Variants in CTNND2 observed in about 807,000 individuals in gnomAD.
CTNND2 encodes the protein catenin delta 2.
In CTNND2, 22 loss-of-function variants were observed where a neutral mutation model predicts 144.4. The observed-to-expected ratio is 0.15, with a 90% CI of 0.11 to 0.22. CTNND2 has a LOEUF of 0.22. CTNND2 is among the 10% of genes least tolerant of loss of function. The pLI is 1.00. For missense variants in CTNND2, 1,353 were observed against 1,618.8 expected, an observed-to-expected ratio of 0.84 and a Z score of 2.82; for synonymous variants, 751 against 695.6, an observed-to-expected ratio of 1.08 and a Z score of -1.25.
chr5:11,800,152 AC>A (rs1791601668), intron 1 of CTNND2, among the ~76,000 whole-genome samples: 1 of 152,190 alleles, frequency 6.6e-6, no homozygotes, highest in Admixed American at 6.5e-5. Flanking sequence ...AAAGTCTGAA[AC>A]ATAATAAGTG....
At chr5:11,476,698 A>G (rs931836478) in intron 3 of CTNND2, among the ~76,000 whole-genome samples, 2 of 152,208 alleles carry the variant, frequency 1.3e-5, no homozygotes, top group Admixed American at 1.3e-4. Context: ...CTAAATGTTC[A>G]TGATTATTAT....
chr5:11,783,827 G>A (rs1313563942), intron 1 of CTNND2, among the ~76,000 whole-genome samples: 1 of 152,190 alleles, frequency 6.6e-6, no homozygotes, highest in Non-Finnish European at 1.5e-5. Flanking sequence ...CCTTCCCAGA[G>A]CTATCAGGTG....
rs72730934 is a variant in CTNND2, at chr5:11,200,435, C to T, written c.1762-774G>A. On this transcript the variant is annotated intron_variant, in intron 10 of 21. Coordinates refer to ENST00000304623, the MANE Select transcript of CTNND2 (RefSeq NM_001332.4). ...AATTAGAAACAAAATAAAGTGGCTACTTAACACACAGGCTATATTAGCAAA... is the reference window on the plus strand; with the variant it reads ...AATTAGAAACAAAATAAAGTGGCTATTTAACACACAGGCTATATTAGCAAA... Among the ~76,000 whole-genome samples the T allele has an allele frequency of 2.2e-3, 330 of 152,288 alleles. 1 individual carries two copies. Among genetic ancestry groups the T allele is most frequent in the Non-Finnish European group, 4.0e-3 (271 of 68,016 alleles).
intron 1 of CTNND2, among the ~76,000 whole-genome samples, chr5:11,757,609 G>T (rs542382514): frequency 6.6e-6 from 1 of 152,020 alleles, no homozygotes; most frequent in South Asian, 2.1e-4. Flanking sequence ...ATGCCCTTTG[G>T]CAAACAGAGA....
chr5:11,881,090 G>A (rs116226119), intron 1 of CTNND2, among the ~76,000 whole-genome samples: 3,460 of 149,720 alleles, frequency 0.023, 138 homozygotes, highest in African/African-American at 0.078. Flanking sequence ...ATTATTAAAG[G>A]GAATGAATTG....
chr5:11,236,658 CA>C (rs1179978020), intron 10 of CTNND2, 32 bp downstream of exon 10: 17 of 1,610,612 alleles, frequency 1.1e-5, no homozygotes, highest in Non-Finnish European at 1.4e-5. Flanking sequence ...ATGAATCTGA[CA>C]CCAATCATTT....
At chr5:11,278,339 T>G (rs183042913) in intron 9 of CTNND2, among the ~76,000 whole-genome samples, 1 of 152,306 alleles carries the variant, frequency 6.6e-6, no homozygotes, top group East Asian at 1.9e-4. Context: ...TGTCTTTCAT[T>G]TATTTATTCA....
intron 3 of CTNND2, among the ~76,000 whole-genome samples, chr5:11,501,625 C>A (rs539434404): frequency 1.3e-5 from 2 of 152,260 alleles, no homozygotes; most frequent in South Asian, 4.2e-4. Context: ...AAACCCTAAT[C>A]CCAATGTGAC....
At chr5:11,543,238 T>C (rs965980854) in intron 3 of CTNND2, among the ~76,000 whole-genome samples, 2 of 152,192 alleles carry the variant, frequency 1.3e-5, no homozygotes, top group Non-Finnish European at 2.9e-5. Context: ...TACACTTCTT[T>C]GGGTTGAAAT....
At chr5:11,806,740 T>C (rs1031184723) in intron 1 of CTNND2, among the ~76,000 whole-genome samples, 29 of 152,232 alleles carry the variant, frequency 1.9e-4, no homozygotes, top group African/African-American at 6.7e-4. Flanking sequence ...TATTTATATA[T>C]ATAACACTGA....
At chr5:11,887,478 T>C (rs1028289949) in intron 1 of CTNND2, among the ~76,000 whole-genome samples, 1 of 151,334 alleles carries the variant, frequency 6.6e-6, no homozygotes, top group Non-Finnish European at 1.5e-5. Context: ...TCGTTCCCTT[T>C]ACAGAGATCT....
intron 3 of CTNND2, among the ~76,000 whole-genome samples, chr5:11,479,146 C>G (rs768327841): frequency 6.6e-6 from 1 of 152,178 alleles, no homozygotes; most frequent in Non-Finnish European, 1.5e-5. Context: ...TCTACCTCCT[C>G]CAACCCTTCA....
intron 2 of CTNND2, among the ~76,000 whole-genome samples, chr5:11,679,457 C>T (rs1016322541): frequency 6.6e-6 from 1 of 152,192 alleles, no homozygotes; most frequent in Non-Finnish European, 1.5e-5. Flanking sequence ...GCCCGTTATG[C>T]TGGACCATCT....
At chr5:11,443,452 CTG>C (rs1370940041) in intron 3 of CTNND2, among the ~76,000 whole-genome samples, 4 of 137,986 alleles carry the variant, frequency 2.9e-5, no homozygotes, top group African/African-American at 5.5e-5. Flanking sequence ...GTGTGTATGT[CTG>C]TGCGGTGTGT....
intron 1 of CTNND2, among the ~76,000 whole-genome samples, chr5:11,897,674 T>C (rs529221233): frequency 6.6e-6 from 1 of 152,326 alleles, no homozygotes; most frequent in South Asian, 2.1e-4. Context: ...ATAAATCTGC[T>C]GAATTTCATG....
chr5:11,119,587 C>T (rs1398991395), intron 12 of CTNND2, among the ~76,000 whole-genome samples: 1 of 152,126 alleles, frequency 6.6e-6, no homozygotes, highest in African/African-American at 2.4e-5. Flanking sequence ...AAAAGAATGG[C>T]CCTTTTAAAG....
intron 3 of CTNND2, among the ~76,000 whole-genome samples, chr5:11,470,803 G>A (rs991395586): frequency 3.3e-5 from 5 of 151,482 alleles, no homozygotes; most frequent in African/African-American, 7.3e-5. Flanking sequence ...GATTTTTCTC[G>A]TGATCTCATG....
chr5:11,898,943 T>C (rs1737629349), intron 1 of CTNND2, among the ~76,000 whole-genome samples: 1 of 152,204 alleles, frequency 6.6e-6, no homozygotes, highest in Admixed American at 6.5e-5. Context: ...CAGTTCTAAA[T>C]GAAGCCCCTC....
Position 11,022,979 on chromosome 5 carries a change from C to G in CTNND2, c.2789G>C (p.Gly930Ala). ...GACTAGGTCTCGCATGGCGTATTTG[C>G]CTGGAAAAGAAAATAAAGAGAAGAG... Reference protein sequence around the residue: ...ALDVRNKELIGKYAMRDLVHR... With the variant: ...ALDVRNKELIAKYAMRDLVHR... The change falls in exon 17 of 22, where the codon GGC becomes GCC. Residue 930 changes from glycine to alanine, a missense_variant and splice_region_variant. By Grantham distance (60) the Gly-to-Ala change is moderately conservative (BLOSUM62 0). This residue lies in a region of CTNND2 where 459 missense variants were observed against 674.3 expected (regional missense o/e 0.68). Transcript: ENST00000304623. 6.2e-7 allele frequency: 1 copy of G among 1,613,848 alleles called. No individual in the cohort carries two copies. Among genetic ancestry groups the G allele is most frequent in the South Asian group, 1.1e-5 (1 of 91,068 alleles).
Sources: allele counts gnomAD v4.1 joint callset (sites outside exome capture counted in the v4.1 genomes callset), GRCh38; gene constraint gnomAD v4.1.1; regional missense constraint gnomAD v4.1.1; transcripts MANE v1.5; gene names NCBI Gene and HGNC (gene_info 2026-07-23, HGNC 2026-07-21).